Variants in COL21A1 observed in about 807,000 individuals in gnomAD.
COL21A1 encodes collagen type XXI alpha 1 chain.
COL21A1 carries 149 observed loss-of-function variants against 137.9 expected under a neutral mutation model. The observed-to-expected ratio is 1.08, with a 90% CI of 0.95 to 1.24. COL21A1 has a LOEUF of 1.24. Ranked by LOEUF, COL21A1 falls within the 50% of genes most tolerant of loss-of-function variation. The pLI, the probability that COL21A1 is intolerant of heterozygous loss-of-function variation, is 0.00. For synonymous variants in COL21A1, 456 were observed against 391.5 expected (o/e 1.16, Z -1.95); for missense variants, 1,167 against 1,158.4 (o/e 1.01, Z -0.11).
chr6:56,100,986 A>G (rs1296127445), intron 17 of COL21A1, among the ~76,000 whole-genome samples: 1 of 152,184 alleles, frequency 6.6e-6, no homozygotes, highest in Non-Finnish European at 1.5e-5. Flanking sequence ...TTGTAGGAAT[A>G]AAATGTGGGG....
chr6:56,211,442 G>A (rs75697804), intron 1 of COL21A1, among the ~76,000 whole-genome samples: 6,321 of 151,926 alleles, frequency 0.042, 201 homozygotes, highest in East Asian at 0.074. Flanking sequence ...TAAAAAATAT[G>A]TCAGAAATAT....
intron 1 of COL21A1, among the ~76,000 whole-genome samples, chr6:56,188,703 G>C (rs140654987): frequency 6.6e-6 from 1 of 152,176 alleles, no homozygotes; most frequent in Non-Finnish European, 1.5e-5. Flanking sequence ...AGTAGGGACC[G>C]ACAGACACCT....
At chr6:56,391,969 C>G (rs909696758) in intron 1 of COL21A1, among the ~76,000 whole-genome samples, 2 of 152,044 alleles carry the variant, frequency 1.3e-5, no homozygotes, top group African/African-American at 4.8e-5. Flanking sequence ...AAACTATTCC[C>G]CAAAATCAGG....
chr6:56,243,772 G>A (rs1782486804), intron 1 of COL21A1, among the ~76,000 whole-genome samples: 2 of 152,160 alleles, frequency 1.3e-5, no homozygotes, highest in Non-Finnish European at 2.9e-5. Flanking sequence ...AAGTAATGAG[G>A]TCAGGATTCA....
chr6:56,073,078 G>A (rs12209420), intron 20 of COL21A1, among the ~76,000 whole-genome samples: 22,962 of 150,918 alleles, frequency 0.15, 1,777 homozygotes, highest in Middle Eastern at 0.22. Context: ...TCAACACAGT[G>A]TGAGTCAACA....
At chr6:56,319,634 G>A (rs1297448752) in intron 1 of COL21A1, among the ~76,000 whole-genome samples, 2 of 152,118 alleles carry the variant, frequency 1.3e-5, no homozygotes, top group Non-Finnish European at 2.9e-5. Context: ...CACTGGGCCC[G>A]GCCTTTTTGT....
At chr6:56,098,638 AATAT>A (rs1283689262) in intron 17 of COL21A1, among the ~76,000 whole-genome samples, 1 of 15,180 alleles carries the variant, frequency 6.6e-5, no homozygotes, top group Non-Finnish European at 1.0e-4. Context: ...TATATATATA[AATAT>A]ATATAAATAT....
intron 1 of COL21A1, among the ~76,000 whole-genome samples, chr6:56,246,315 ACT>A (rs1269300136): frequency 6.6e-6 from 1 of 152,178 alleles, no homozygotes; most frequent in Non-Finnish European, 1.5e-5. Flanking sequence ...CAGCTGGAAG[ACT>A]CATGTATATT....
intron 1 of COL21A1, among the ~76,000 whole-genome samples, chr6:56,268,268 C>T (rs986639161): frequency 3.9e-5 from 6 of 152,146 alleles, no homozygotes; most frequent in African/African-American, 1.2e-4. Flanking sequence ...CCTGCCATGG[C>T]CTCTACCCAA....
intron 1 of COL21A1, among the ~76,000 whole-genome samples, chr6:56,273,857 G>A (rs1383669586): frequency 6.6e-6 from 1 of 152,016 alleles, no homozygotes; most frequent in Non-Finnish European, 1.5e-5. Context: ...GAGGAGGAGG[G>A]GCTCCTCCCT....
intron 12 of COL21A1, among the ~76,000 whole-genome samples, chr6:56,134,520 G>A (rs1358363290): frequency 4.6e-5 from 7 of 152,174 alleles, no homozygotes; most frequent in Non-Finnish European, 1.0e-4. Flanking sequence ...TTAAGACTTT[G>A]GGGTACTGTT....
intron 10 of COL21A1, among the ~76,000 whole-genome samples, chr6:56,144,742 T>C (rs1371397034): frequency 1.3e-5 from 2 of 152,204 alleles, no homozygotes; most frequent in Non-Finnish European, 2.9e-5. Context: ...ACTCATAATG[T>C]GACCTCAGGC....
chr6:56,073,089 G>C (rs977109948), intron 20 of COL21A1, among the ~76,000 whole-genome samples: 2 of 150,920 alleles, frequency 1.3e-5, no homozygotes, highest in African/African-American at 4.9e-5. Context: ...TGAGTCAACA[G>C]TGTGGTGTAT....
At chr6:56,158,253 C>CTTTTT (rs59381031) in intron 9 of COL21A1, among the ~76,000 whole-genome samples, 6 of 104,926 alleles carry the variant, frequency 5.7e-5, no homozygotes, top group South Asian at 3.2e-4. Flanking sequence ...TGGGTTTTTT[C>CTTTTT]TTTTTTTTTT....
rs767279924 is a variant in COL21A1, at chr6:56,148,671, T to A, written c.1435-6688A>T. 3.9e-5 allele frequency among the ~76,000 whole-genome samples: 6 copies of A among 152,130 alleles called. 1 individual carries two copies. The highest frequency in any genetic ancestry group is 7.4e-5 in the Non-Finnish European group (5 of 68,014). ...TCTGGAAAAAGGAAAGCATAATAAA[T>A]AAGCTTATCTCATAGGCCTTACTTG... On this transcript the variant is annotated intron_variant, in intron 10 of 29. Transcript: ENST00000244728.
At chr6:56,200,672 A>G (rs1017240037) in intron 1 of COL21A1, among the ~76,000 whole-genome samples, 3 of 151,912 alleles carry the variant, frequency 2.0e-5, no homozygotes, top group Non-Finnish European at 4.4e-5. Flanking sequence ...CATGGTGTAT[A>G]TGTGCCACAT....
chr6:56,179,231 G>T (rs1330749904), intron 3 of COL21A1, among the ~76,000 whole-genome samples: 1 of 151,926 alleles, frequency 6.6e-6, no homozygotes, highest in Non-Finnish European at 1.5e-5. Flanking sequence ...GGGGTGATAT[G>T]ATTATGTGTG....
At chr6:56,180,204 G>A in intron 2 of COL21A1, 75 bp from the exon 3 acceptor site, 1 of 1,126,582 alleles carries the variant, frequency 8.9e-7, no homozygotes, top group South Asian at 1.7e-5. Context: ...AAATATATGA[G>A]TTTCAGCTAT....
chr6:56,258,039 T>C (rs1227657700), intron 1 of COL21A1, among the ~76,000 whole-genome samples: 1 of 152,040 alleles, frequency 6.6e-6, no homozygotes, highest in Admixed American at 6.6e-5. Flanking sequence ...ATTCTTGAAG[T>C]TTTTTACAAT....
Sources: allele counts gnomAD v4.1 joint callset (sites outside exome capture counted in the v4.1 genomes callset), GRCh38; gene constraint gnomAD v4.1.1; transcripts MANE v1.5; gene names NCBI Gene and HGNC (gene_info 2026-07-23, HGNC 2026-07-21).